Variants in RSU1 observed in about 807,000 individuals in gnomAD.
RSU1 encodes the protein rsu-1.
Under a neutral mutation model 31.1 loss-of-function variants are expected in RSU1, and 26 were observed. That is an observed-to-expected ratio of 0.84 (90% CI 0.61 to 1.16). The LOEUF is 1.16. Ranked by LOEUF, RSU1 falls within the 50% of genes most tolerant of loss-of-function variation. RSU1 has a pLI of 0.00. For synonymous variants in RSU1, 164 were observed against 136.3 expected (o/e 1.20, Z -1.41); for missense variants, 320 against 339.1 (o/e 0.94, Z 0.44).
In RSU1 at chr10:16,774,145, GTTCAACCCTGGGAGCT is replaced by G. The variant is rs1237656470; in HGVS notation, c.160+7873_160+7888del. Among the ~76,000 whole-genome samples, 10 of 151,176 alleles carry G rather than the reference GTTCAACCCTGGGAGCT, an allele frequency of 6.6e-5. No individual in the cohort carries two copies. In the South Asian group the frequency reaches 2.1e-3, roughly 32 times the overall value. On this transcript the variant is annotated intron_variant, in intron 3 of 8. Transcript: ENST00000345264. The stretch of plus-strand genomic sequence containing the variant: ...ATGCCCATATGCCCACACACGTTCT[GTTCAACCCTGGGAGCT>G]ACAGGATTGCAAATTCTTATTTAAC...
intron 8 of RSU1, among the ~76,000 whole-genome samples, chr10:16,600,047 TAAG>T (rs1472351448): frequency 6.6e-6 from 1 of 150,926 alleles, no homozygotes; most frequent in African/African-American, 2.5e-5. Flanking sequence ...GGGAGATGAT[TAAG>T]AAGTGGGAAA....
intron 2 of RSU1, among the ~76,000 whole-genome samples, chr10:16,810,505 G>C (rs1313612491): frequency 6.6e-6 from 1 of 152,102 alleles, no homozygotes; most frequent in Non-Finnish European, 1.5e-5. Context: ...GAACTCGCCA[G>C]TGTGTGGCAA....
chr10:16,668,859 A>G (rs1312514754), intron 8 of RSU1, among the ~76,000 whole-genome samples: 1 of 152,204 alleles, frequency 6.6e-6, no homozygotes, highest in Non-Finnish European at 1.5e-5. Flanking sequence ...AGCCACTGAC[A>G]TGATTCCAGG....
chr10:16,760,458 G>A (rs1212540260), intron 4 of RSU1, among the ~76,000 whole-genome samples: 3 of 149,712 alleles, frequency 2.0e-5, no homozygotes, highest in East Asian at 2.0e-4. Flanking sequence ...GCAGTGAGCC[G>A]AGATCATGCC....
intron 7 of RSU1, among the ~76,000 whole-genome samples, chr10:16,716,554 G>A (rs1836144809): frequency 6.6e-6 from 1 of 152,082 alleles, no homozygotes; most frequent in African/African-American, 2.4e-5. Flanking sequence ...TTCCATACAT[G>A]ATATGAGCAC....
In RSU1 at chr10:16,811,153, G is replaced by A. The variant is rs537367491; in HGVS notation, c.109+5820C>T. Among the ~76,000 whole-genome samples the A allele has an allele frequency of 2.6e-5, 4 of 152,230 alleles. No individual in the cohort carries two copies. In the South Asian group the frequency reaches 6.2e-4, roughly 24 times the overall value. On this transcript the variant is annotated intron_variant, in intron 2 of 8. Transcript: ENST00000345264. ...ACCATCATGTTACAATTCCCTATGG[G>A]ATTCCATACAATCACATGCTGTACA...
chr10:16,727,344 T>A (rs1475492644), intron 7 of RSU1, among the ~76,000 whole-genome samples: 1 of 152,178 alleles, frequency 6.6e-6, no homozygotes, highest in African/African-American at 2.4e-5. Flanking sequence ...ACATGCTACC[T>A]TTTCTGAGAT....
chr10:16,765,479 G>T (rs1223760719), intron 3 of RSU1, among the ~76,000 whole-genome samples: 1 of 152,150 alleles, frequency 6.6e-6, no homozygotes, highest in Non-Finnish European at 1.5e-5. Flanking sequence ...GTGAAAATCA[G>T]CCACTGGGGA....
intron 8 of RSU1, among the ~76,000 whole-genome samples, chr10:16,666,451 T>C (rs903628550): frequency 2.0e-5 from 3 of 152,196 alleles, no homozygotes; most frequent in Admixed American, 1.3e-4. Flanking sequence ...ACTTTAGACT[T>C]TCCTAATGGC....
chr10:16,736,924 T>C (rs1394807030), intron 7 of RSU1, among the ~76,000 whole-genome samples: 1 of 150,254 alleles, frequency 6.7e-6, no homozygotes, highest in Non-Finnish European at 1.5e-5. Context: ...TTACTGAATA[T>C]GCTTATCAGG....
intron 3 of RSU1, among the ~76,000 whole-genome samples, chr10:16,777,440 A>C (rs1021448777): frequency 6.6e-6 from 1 of 152,222 alleles, no homozygotes; most frequent in African/African-American, 2.4e-5. Flanking sequence ...CAAAAAACAC[A>C]GCATACCTCC....
At chr10:16,618,212 A>G (rs1177105027) in intron 8 of RSU1, among the ~76,000 whole-genome samples, 1 of 152,242 alleles carries the variant, frequency 6.6e-6, no homozygotes, top group African/African-American at 2.4e-5. Context: ...TATGCAGCCA[A>G]CAAACATGAA....
chr10:16,708,145 C>A (rs1466341536), intron 7 of RSU1, among the ~76,000 whole-genome samples: 1 of 152,128 alleles, frequency 6.6e-6, no homozygotes. Flanking sequence ...CCTTGAACAA[C>A]TTTTGACTTC....
At chr10:16,667,160 T>C (rs1392442812) in intron 8 of RSU1, among the ~76,000 whole-genome samples, 7 of 152,186 alleles carry the variant, frequency 4.6e-5, no homozygotes, top group African/African-American at 1.7e-4. Flanking sequence ...AGGGAACTTA[T>C]ACTTTAGCTG....
chr10:16,723,267 T>G (rs545756088), intron 7 of RSU1: 5 of 152,258 alleles, frequency 3.3e-5, no homozygotes, highest in African/African-American at 1.2e-4. Flanking sequence ...TTATATAAGA[T>G]CCAACGTTTT....
intron 2 of RSU1, among the ~76,000 whole-genome samples, chr10:16,810,185 C>G (rs10795430): frequency 0.19 from 28,344 of 151,916 alleles, 2,839 homozygotes; most frequent in East Asian, 0.33. Flanking sequence ...GAGCCAAGAT[C>G]GCGCCACTGC....
chr10:16,813,527 TAACA>T (rs1838456944), intron 2 of RSU1, among the ~76,000 whole-genome samples: 1 of 152,222 alleles, frequency 6.6e-6, no homozygotes, highest in South Asian at 2.1e-4. Context: ...AGTTAATAAC[TAACA>T]TTTAATGTGC....
intron 7 of RSU1, among the ~76,000 whole-genome samples, chr10:16,736,635 C>A (rs1476319466): frequency 1.3e-5 from 2 of 151,190 alleles, no homozygotes; most frequent in African/African-American, 2.4e-5. Flanking sequence ...AACCAAAAAC[C>A]AAAAAACAAA....
intron 3 of RSU1, among the ~76,000 whole-genome samples, chr10:16,778,143 C>T (rs1183849229): frequency 6.6e-6 from 1 of 151,578 alleles, no homozygotes; most frequent in East Asian, 1.9e-4. Context: ...ACTACAGCCT[C>T]CACAGTAGCT....
Sources: gnomAD v4.1 joint callset for allele counts (sites outside exome capture counted in the v4.1 genomes callset) on GRCh38, gnomAD v4.1.1 for gene constraint, MANE v1.5 for transcripts, NCBI Gene and HGNC (gene_info 2026-07-23, HGNC 2026-07-21) for gene names.